MTX2: variants seen among roughly 807,000 people sequenced by gnomAD.
MTX2 encodes the protein metaxin 2.
A neutral mutation model predicts 42.3 loss-of-function variants in MTX2; 35 were observed. The ratio of observed to expected loss-of-function variants is 0.83; its 90% CI spans 0.63 to 1.10. The LOEUF (loss-of-function observed/expected upper bound fraction) is 1.10. MTX2 is among the 50% of genes least tolerant of loss of function. The pLI is 0.00. For synonymous variants in MTX2, 119 were observed against 100.9 expected (o/e 1.18, Z -1.08); for missense variants, 307 against 304.1 (o/e 1.01, Z -0.07).
chr2:176,281,820 G>C (rs80141176), intron 1 of MTX2, among the ~76,000 whole-genome samples: 4,803 of 152,190 alleles, frequency 0.032, 112 homozygotes, highest in Non-Finnish European at 0.046. Context: ...GGTTTTGTAC[G>C]TTGTAATTAG....
intron 1 of MTX2, among the ~76,000 whole-genome samples, chr2:176,281,802 G>A (rs1693082769): frequency 6.6e-6 from 1 of 152,126 alleles, no homozygotes. Flanking sequence ...GAGTAGAGTA[G>A]TGCGGGTGGT....
intron 6 of MTX2, 101 bp from the exon 7 acceptor site, chr2:176,328,773 A>G: frequency 1.0e-5 from 11 of 1,097,028 alleles, no homozygotes; most frequent in Non-Finnish European, 1.5e-5. Flanking sequence ...TGTGTGACTT[A>G]TGAAATTAGC....
chr2:176,325,541 C>T (rs181302975), intron 4 of MTX2, among the ~76,000 whole-genome samples: 1 of 151,724 alleles, frequency 6.6e-6, no homozygotes, highest in East Asian at 1.9e-4. Flanking sequence ...AAAAAAAATA[C>T]AAACCCTTTT....
In MTX2 at chr2:176,299,756, A is replaced by G. The variant is rs79974044; in HGVS notation, c.135+1861A>G. 3.3e-5 allele frequency among the ~76,000 whole-genome samples: 5 copies of G among 152,236 alleles called. No individual in the cohort carries two copies. The East Asian group carries it at 9.6e-4, about 29-fold the overall frequency. On this transcript the variant is annotated intron_variant, in intron 3 of 9. Coordinates refer to ENST00000249442, the MANE Select transcript of MTX2 (RefSeq NM_006554.5). ...GTTTAGAAGAATCAGTTAAAGGCCT[A>G]CATTTGATGTATAAAATTGATCAAA...
At chr2:176,320,880 A>G (rs1462411283) in intron 3 of MTX2, among the ~76,000 whole-genome samples, 1 of 151,982 alleles carries the variant, frequency 6.6e-6, no homozygotes, top group Admixed American at 6.6e-5. Context: ...ACTCTTTTGT[A>G]GGAATGGGTT....
intron 6 of MTX2, among the ~76,000 whole-genome samples, 170 bp downstream of exon 6, chr2:176,328,555 A>G (rs1321285436): frequency 6.6e-6 from 1 of 151,226 alleles, no homozygotes; most frequent in East Asian, 1.9e-4. Context: ...AAGTTACCTG[A>G]CATTTTCAGT....
intron 1 of MTX2, among the ~76,000 whole-genome samples, chr2:176,281,225 T>A (rs921516142): frequency 6.6e-6 from 1 of 152,148 alleles, no homozygotes; most frequent in African/African-American, 2.4e-5. Flanking sequence ...TATAGGGTGC[T>A]GTATACAGCA....
intron 3 of MTX2, among the ~76,000 whole-genome samples, chr2:176,315,372 C>G (rs1045435569): frequency 6.6e-6 from 1 of 152,094 alleles, no homozygotes. Context: ...ATATCCACAT[C>G]GAGTTATCAG....
chr2:176,329,967 C>T (rs1463900930), intron 8 of MTX2, among the ~76,000 whole-genome samples: 5 of 150,902 alleles, frequency 3.3e-5, no homozygotes, highest in Non-Finnish European at 5.9e-5. Flanking sequence ...CTTAAAAATA[C>T]TTATCTTGTC....
At chr2:176,323,837 C>T (rs1684642998) in intron 4 of MTX2, among the ~76,000 whole-genome samples, 1 of 151,598 alleles carries the variant, frequency 6.6e-6, no homozygotes, top group African/African-American at 2.4e-5. Context: ...ACACATCTTT[C>T]TTAATTATAT....
At chr2:176,330,722 T>C in intron 9 of MTX2, 62 bp downstream of exon 9, 3 of 1,131,562 alleles carry the variant, frequency 2.7e-6, no homozygotes, top group Non-Finnish European at 3.9e-6. Context: ...ATTTCTTTTT[T>C]TCATAAAAGA....
chr2:176,289,511 T>C (rs1693279528), intron 1 of MTX2, among the ~76,000 whole-genome samples: 1 of 152,148 alleles, frequency 6.6e-6, no homozygotes, highest in Non-Finnish European at 1.5e-5. Flanking sequence ...TAATTGGATA[T>C]GCACTTAGTT....
intron 9 of MTX2, among the ~76,000 whole-genome samples, chr2:176,333,382 CTT>C (rs566377729): frequency 3.3e-4 from 50 of 151,578 alleles, no homozygotes; most frequent in Non-Finnish European, 6.7e-4. Context: ...TGTTACTTGT[CTT>C]TTTGTTAAGT....
intron 1 of MTX2, among the ~76,000 whole-genome samples, chr2:176,280,741 C>A (rs1188789237): frequency 6.6e-6 from 1 of 152,194 alleles, no homozygotes; most frequent in African/African-American, 2.4e-5. Flanking sequence ...GTCAATGTTG[C>A]AAACCGCACG....
intron 3 of MTX2, among the ~76,000 whole-genome samples, chr2:176,306,369 CAT>C (rs765347522): frequency 1.6e-4 from 25 of 151,992 alleles, no homozygotes; most frequent in Non-Finnish European, 2.1e-4. Context: ...CTGCAATAAA[CAT>C]GTGTGCATTT....
chr2:176,327,474 A>G (rs1229914246), intron 5 of MTX2, among the ~76,000 whole-genome samples: 1 of 150,752 alleles, frequency 6.6e-6, no homozygotes, highest in African/African-American at 2.4e-5. Context: ...ATGTTTGGAA[A>G]TTCTTCCATA....
rs1235425794 is a variant in MTX2 at position 176,328,386 on chromosome 2, G to A, written c.378+1G>A. On this transcript the variant is annotated splice_donor_variant, in intron 6 of 9. Coordinates refer to ENST00000249442, the MANE Select transcript of MTX2 (RefSeq NM_006554.5). LOFTEE classifies it high-confidence loss of function. ...CAACAATATGCTGTTGACTGCAGAG[G>A]TAAAATACTAGATGATACGGCTTGA... is the stretch of plus-strand genomic sequence containing the variant. 3 of 1,534,200 alleles carry A rather than the reference G, an allele frequency of 2.0e-6. No homozygotes were observed. In the East Asian group the frequency reaches 7.0e-5, roughly 36 times the overall value.
intron 1 of MTX2, among the ~76,000 whole-genome samples, chr2:176,276,690 G>A (rs1692953840): frequency 6.6e-6 from 1 of 152,152 alleles, no homozygotes; most frequent in African/African-American, 2.4e-5. Context: ...TCACCTTATA[G>A]TAAGGGGTCC....
chr2:176,312,146 A>G (rs1012339032), intron 3 of MTX2, among the ~76,000 whole-genome samples: 1 of 152,192 alleles, frequency 6.6e-6, no homozygotes, highest in Non-Finnish European at 1.5e-5. Flanking sequence ...AATATCTCTG[A>G]ACTTAACAAG....
Sources: gnomAD v4.1 joint callset for allele counts (sites outside exome capture counted in the v4.1 genomes callset) on GRCh38, gnomAD v4.1.1 for gene constraint, MANE v1.5 for transcripts, NCBI Gene and HGNC (gene_info 2026-07-23, HGNC 2026-07-21) for gene names.